Variants in KIRREL3 observed in about 807,000 individuals in gnomAD.
KIRREL3 encodes the protein kirre like nephrin family adhesion molecule 3, also known as kin of IRRE-like protein 3.
In KIRREL3, 36 loss-of-function variants were observed where a neutral mutation model predicts 89.7. That is an observed-to-expected ratio of 0.40 (90% CI 0.31 to 0.53). The LOEUF (loss-of-function observed/expected upper bound fraction) is 0.53, where lower values mean the gene tolerates loss of function less well. KIRREL3 is among the 20% of genes least tolerant of loss of function. The probability of loss-of-function intolerance (pLI) is 0.49; values close to 1 mark genes in which losing one functional copy is unlikely to be tolerated. For synonymous variants in KIRREL3, 445 were observed against 441.4 expected, an observed-to-expected ratio of 1.01 and a Z score of -0.10; for missense variants, 864 against 1,056.6, an observed-to-expected ratio of 0.82 and a Z score of 2.53.
At chr11:126,722,334 C>A (rs1004126443) in intron 1 of KIRREL3, among the ~76,000 whole-genome samples, 5 of 152,364 alleles carry the variant, frequency 3.3e-5, no homozygotes, top group South Asian at 2.1e-4. Context: ...AAGTCTCATT[C>A]ACCTTTTGGG....
chr11:126,895,149 A>G (rs1004163058), intron 1 of KIRREL3, among the ~76,000 whole-genome samples: 43 of 152,188 alleles, frequency 2.8e-4, no homozygotes, highest in African/African-American at 1.0e-3. Context: ...GCTTCCCCAC[A>G]CGGAGCTTCC....
chr11:126,898,574 G>T lies in KIRREL3; in HGVS notation c.55+101881C>A, dbSNP rs1381114356. ...ACAATTCCTAAAAGCAGCGTTAGTT[G>T]AAAGCAGAAACAGAATTATATCTGT... On this transcript the variant is annotated intron_variant, in intron 1 of 16. Transcript: ENST00000525144. This position sits in a 1 kb window ranked among gnomAD's most constrained non-coding sequence, Gnocchi z 4.9. 6.6e-6 allele frequency among the ~76,000 whole-genome samples: 1 copy of T among 152,178 alleles called. No homozygotes were observed. Among genetic ancestry groups the T allele is most frequent in the Non-Finnish European group, 1.5e-5 (1 of 68,032 alleles).
At chr11:126,765,234 C>G (rs931011717) in intron 1 of KIRREL3, among the ~76,000 whole-genome samples, 1 of 152,164 alleles carries the variant, frequency 6.6e-6, no homozygotes, top group Non-Finnish European at 1.5e-5. Flanking sequence ...TCAGTTTCCT[C>G]ATCTGTAAAA....
chr11:126,472,829 A>T (rs1395477971), intron 5 of KIRREL3, among the ~76,000 whole-genome samples: 1 of 151,884 alleles, frequency 6.6e-6, no homozygotes, highest in Non-Finnish European at 1.5e-5. Context: ...GCAAAAAAAG[A>T]TACAAGGAGA....
rs76910532 is a variant in KIRREL3, at chr11:126,723,104, C to A, written c.56-160192G>T. Among the ~76,000 whole-genome samples, 70 of 152,262 alleles carry A rather than the reference C, an allele frequency of 4.6e-4. No individual in the cohort carries two copies. The highest frequency in any genetic ancestry group is 1.9e-4 in the Non-Finnish European group (13 of 68,026). ...GGTATTTGACACATGTTGGACTCTC[C>A]ACTTGACTGAGATTAAGTGGGTAGG... On this transcript the variant is annotated intron_variant, in intron 1 of 16. Transcript: ENST00000525144. The surrounding 1 kb of genome is among the most constrained non-coding windows in gnomAD (Gnocchi z 4.0).
chr11:126,505,552 C>T (rs1957992991), intron 4 of KIRREL3, among the ~76,000 whole-genome samples: 1 of 149,384 alleles, frequency 6.7e-6, no homozygotes, highest in South Asian at 2.1e-4. Flanking sequence ...GCCTGGGCAA[C>T]AAGAGTGTAA....
rs1289219846 is a variant in KIRREL3 at position 126,924,949 on chromosome 11, C to A, written c.55+75506G>T. Among the ~76,000 whole-genome samples the A allele has an allele frequency of 6.9e-6, 1 of 144,524 alleles. No homozygotes were observed. The highest frequency in any genetic ancestry group is 2.6e-5 in the African/African-American group (1 of 38,244). The allele number at this position is 144,524 out of a possible 152,430, so 94.8% of individuals were successfully genotyped here. Reference sequence around the variant, plus strand: ...TGCTTATGTGTGTGTGTGTGTGTTGCAGTGGAGGAGGTTGGGATAAAATTG... The same window carrying A: ...TGCTTATGTGTGTGTGTGTGTGTTGAAGTGGAGGAGGTTGGGATAAAATTG... On this transcript the variant is annotated intron_variant, in intron 1 of 16. Coordinates refer to ENST00000525144, the MANE Select transcript of KIRREL3 (RefSeq NM_032531.4). The surrounding 1 kb of genome is among the most constrained non-coding windows in gnomAD (Gnocchi z 4.7).
intron 1 of KIRREL3, among the ~76,000 whole-genome samples, chr11:126,910,292 G>T (rs910044327): frequency 6.6e-6 from 1 of 152,178 alleles, no homozygotes; most frequent in Non-Finnish European, 1.5e-5. Flanking sequence ...GCTTTCAGAT[G>T]CAGGAAGAGG....
intron 1 of KIRREL3, among the ~76,000 whole-genome samples, chr11:126,929,898 A>G (rs1947868554): frequency 6.6e-6 from 1 of 152,192 alleles, no homozygotes; most frequent in Non-Finnish European, 1.5e-5. Context: ...ACATAACACA[A>G]AGAGGTGAAA....
intron 2 of KIRREL3, among the ~76,000 whole-genome samples, chr11:126,552,385 A>G (rs2134540034): frequency 6.6e-6 from 1 of 152,190 alleles, no homozygotes; most frequent in East Asian, 1.9e-4. Context: ...TAATTTTGCT[A>G]GACAGGGTGA....
chr11:126,911,649 G>A (rs920430528), intron 1 of KIRREL3, among the ~76,000 whole-genome samples: 1 of 152,160 alleles, frequency 6.6e-6, no homozygotes, highest in Non-Finnish European at 1.5e-5. Context: ...AGTCAGGAAG[G>A]ACTTTCCTCT....
chr11:126,889,908 G>A lies in KIRREL3; in HGVS notation c.55+110547C>T, dbSNP rs539363805. Among the ~76,000 whole-genome samples, 7 of 152,184 alleles carry A rather than the reference G, an allele frequency of 4.6e-5. No individual in the cohort carries two copies. In the East Asian group the frequency reaches 5.8e-4, roughly 13 times the overall value. On this transcript the variant is annotated intron_variant, in intron 1 of 16. Coordinates refer to ENST00000525144, the MANE Select transcript of KIRREL3 (RefSeq NM_032531.4). The stretch of plus-strand genomic sequence containing the variant: ...ACTGATTATTTTTCTAACATTCTTC[G>A]CCTTTCTTCCTTGCATATCCAAGGA...
At chr11:126,794,422 T>A (rs1047988620) in intron 1 of KIRREL3, among the ~76,000 whole-genome samples, 1 of 152,230 alleles carries the variant, frequency 6.6e-6, no homozygotes, top group African/African-American at 2.4e-5. Flanking sequence ...GAGCGCTTCG[T>A]ATAACCTTGG....
At chr11:126,792,734 A>T (rs1315900538) in intron 1 of KIRREL3, among the ~76,000 whole-genome samples, 1 of 152,242 alleles carries the variant, frequency 6.6e-6, no homozygotes, top group Non-Finnish European at 1.5e-5. Context: ...TAAATCTTAG[A>T]CCATGATACG....
chr11:126,662,778 A>T (rs1475456296), intron 1 of KIRREL3, among the ~76,000 whole-genome samples: 1 of 152,152 alleles, frequency 6.6e-6, no homozygotes, highest in Non-Finnish European at 1.5e-5. Flanking sequence ...AGCACATTGT[A>T]TGATGTGACA....
chr11:126,744,096 A>C lies in KIRREL3; in HGVS notation c.56-181184T>G, dbSNP rs937353950. On this transcript the variant is annotated intron_variant, in intron 1 of 16. Coordinates refer to ENST00000525144, the MANE Select transcript of KIRREL3 (RefSeq NM_032531.4). This position sits in a 1 kb window ranked among gnomAD's most constrained non-coding sequence, Gnocchi z 4.7. Reference sequence around the variant, plus strand: ...ATGTTCCAGAAAGTTGGGACTAGCCAAGGGGCAGAGGGCCCAGGAAGGTGG... The same window carrying C: ...ATGTTCCAGAAAGTTGGGACTAGCCCAGGGGCAGAGGGCCCAGGAAGGTGG... Among the ~76,000 whole-genome samples the C allele has an allele frequency of 2.0e-5, 3 of 152,224 alleles. No individual in the cohort carries two copies. Among genetic ancestry groups the C allele is most frequent in the African/African-American group, 7.2e-5 (3 of 41,452 alleles).
At chr11:126,974,438 A>G (rs1472625570) in intron 1 of KIRREL3, among the ~76,000 whole-genome samples, 1 of 151,436 alleles carries the variant, frequency 6.6e-6, no homozygotes, top group Non-Finnish European at 1.5e-5. Flanking sequence ...GCTACATGGT[A>G]TAGCCCGTTA....
At chr11:126,649,240 A>G (rs1944815114) in intron 1 of KIRREL3, among the ~76,000 whole-genome samples, 1 of 152,158 alleles carries the variant, frequency 6.6e-6, no homozygotes, top group Non-Finnish European at 1.5e-5. Context: ...TTGGGTGGGA[A>G]CAGAGCCAAA....
intron 1 of KIRREL3, among the ~76,000 whole-genome samples, chr11:126,809,221 T>C (rs1799805216): frequency 6.6e-6 from 1 of 152,176 alleles, no homozygotes; most frequent in African/African-American, 2.4e-5. Flanking sequence ...CTGACTCACA[T>C]GCCCTAGGAG....
Sources: allele counts gnomAD v4.1 joint callset (sites outside exome capture counted in the v4.1 genomes callset), GRCh38; gene constraint gnomAD v4.1.1; non-coding constraint Gnocchi (gnomAD v3.1); transcripts MANE v1.5; gene names NCBI Gene and HGNC (gene_info 2026-07-23, HGNC 2026-07-21).